GAK: variants seen among roughly 807,000 people sequenced by gnomAD.
GAK encodes cyclin-G-associated kinase.
In GAK, 79 loss-of-function variants were observed where a neutral mutation model predicts 143.9. The ratio of observed to expected loss-of-function variants is 0.55; its 90% CI spans 0.46 to 0.66. The LOEUF (loss-of-function observed/expected upper bound fraction) is 0.66, where lower values mean the gene tolerates loss of function less well. Among genes scored for constraint, GAK ranks in the 30% least tolerant of loss-of-function variants. The pLI, the probability that GAK is intolerant of heterozygous loss-of-function variation, is 0.00. For synonymous variants in GAK, 881 were observed against 765.5 expected (o/e 1.15, Z -2.49); for missense variants, 1,693 against 1,779.7 (o/e 0.95, Z 0.88).
At chr4:865,464 C>T (rs1751006527) in intron 22 of GAK, among the ~76,000 whole-genome samples, 1 of 148,706 alleles carries the variant, frequency 6.7e-6, no homozygotes, top group Non-Finnish European at 1.5e-5. Context: ...GCAGGCGGAG[C>T]AGCTCGCAGG....
intron 27 of GAK, 59 bp from the exon 28 acceptor site, chr4:849,833 G>GGGCGGGGGGCCCCCCCCC: frequency 8.4e-7 from 1 of 1,190,156 alleles, no homozygotes; most frequent in Non-Finnish European, 1.2e-6. Flanking sequence ...GGCGGGGCAG[G>GGGCGGGGGGCCCCCCCCC]ACCCCCCCCC....
Position 877,705 on chromosome 4 carries a change from C to A in GAK, c.1766G>T (p.Ser589Ile), listed in dbSNP as rs1240135793. The A allele has an allele frequency of 6.2e-7, 1 of 1,613,428 alleles. No individual in the cohort carries two copies. The highest frequency in any genetic ancestry group is 8.5e-7 in the Non-Finnish European group (1 of 1,179,924). ...GGGCCTGCAGCCGCTCCTCTGCTTG[C>A]TGAACAGCGGCACGGGTGTCATGAC... ...AVVMTPVPLF[S>I]KQRSGCRPFC... The change falls in exon 16 of 28, where the codon AGC (serine) becomes ATC (isoleucine). Residue 589 changes from serine (S) to isoleucine (I), a missense_variant. Transcript: ENST00000314167.
In GAK at chr4:913,572, C is replaced by G. The variant is rs968923423; in HGVS notation, c.207+35G>C. On this transcript the variant is annotated intron_variant, in intron 2 of 27. Transcript: ENST00000314167. ...CACCAGACAGTCCCTTTACATACGTCAGAAATCCAGAGAAGGCGTTAAATG... is the reference window on the plus strand; with the variant it reads ...CACCAGACAGTCCCTTTACATACGTGAGAAATCCAGAGAAGGCGTTAAATG... 4.5e-6 allele frequency: 7 copies of G among 1,543,908 alleles called. No homozygotes were observed. The African/African-American group carries it at 9.5e-5, about 21-fold the overall frequency.
intron 26 of GAK, 92 bp from the exon 27 acceptor site, chr4:850,160 CCTGGTCACGTGGGG>C: frequency 7.6e-7 from 1 of 1,309,230 alleles, no homozygotes; most frequent in South Asian, 1.5e-5. Context: ...TGAGGAAGTG[CCTGGTCACGTGGGG>C]TGGGCTCAGC....
intron 1 of GAK, chr4:915,776 T>C (rs147106807): frequency 6.6e-6 from 1 of 152,326 alleles, no homozygotes; most frequent in African/African-American, 2.4e-5. Flanking sequence ...TGGTGCAATG[T>C]CGAATCCTCC....
intron 1 of GAK, among the ~76,000 whole-genome samples, chr4:930,550 C>T (rs967283848): frequency 6.7e-6 from 1 of 150,326 alleles, no homozygotes; most frequent in African/African-American, 2.5e-5. Context: ...CTGTACCACC[C>T]CTAAGGATCT....
At chr4:902,605 A>AAAAAAAACAAAC (rs1553889069) in intron 5 of GAK, among the ~76,000 whole-genome samples, 1 of 130,310 alleles carries the variant, frequency 7.7e-6, no homozygotes, top group African/African-American at 2.8e-5. Flanking sequence ...TCAAAAAAAA[A>AAAAAAAACAAAC]AAAAAAAAAC....
chr4:913,590 G>A lies in GAK; in HGVS notation c.207+17C>T, dbSNP rs375451505. The stretch of plus-strand genomic sequence containing the variant: ...CATACGTCAGAAATCCAGAGAAGGC[G>A]TTAAATGGTTCATTACCTTTAATGC... On this transcript the variant is annotated intron_variant, in intron 2 of 27. Transcript: ENST00000314167. The A allele has an allele frequency of 8.7e-5, 140 of 1,600,880 alleles. 1 individual carries two copies. Among genetic ancestry groups the A allele is most frequent in the Non-Finnish European group, 1.2e-4 (135 of 1,168,182 alleles).
chr4:867,170 C>A lies in GAK; in HGVS notation c.2658G>T (p.Leu886=). 2 of 1,605,774 alleles carry A rather than the reference C, an allele frequency of 1.2e-6. No individual in the cohort carries two copies. Among genetic ancestry groups the A allele is most frequent in the Non-Finnish European group, 1.7e-6 (2 of 1,175,240 alleles). Residue 886 remains leucine (L), a synonymous_variant, in exon 21 of 28, where the codon CTG becomes CTT. Transcript: ENST00000314167. ...CTGGCCCTGCGCCCACCTCGGAGTGCAGGCCCAGGAGGTCGACCCCGTCTT... is the reference window on the plus strand; with the variant it reads ...CTGGCCCTGCGCCCACCTCGGAGTGAAGGCCCAGGAGGTCGACCCCGTCTT... ...PQEDGVDLLG[L]HSEVGAGPAV...
intron 1 of GAK, among the ~76,000 whole-genome samples, chr4:927,797 C>T (rs1206114067): frequency 6.6e-6 from 1 of 151,710 alleles, no homozygotes; most frequent in African/African-American, 2.4e-5. Flanking sequence ...GCCCCGCACC[C>T]CTCCCTGGGT....
At chr4:852,059 T>C (rs1003915327) in intron 24 of GAK, 85 bp from the exon 25 acceptor site, 25 of 1,157,482 alleles carry the variant, frequency 2.2e-5, no homozygotes, top group African/African-American at 3.1e-5. Flanking sequence ...ACCACGTATA[T>C]TGGAAAACAT....
chr4:920,110 C>T (rs1723673892), intron 1 of GAK, among the ~76,000 whole-genome samples: 1 of 152,072 alleles, frequency 6.6e-6, no homozygotes. Flanking sequence ...AGATCGAGAC[C>T]ATCCTGGCTA....
At chr4:870,482 C>T (rs1004630095) in intron 19 of GAK, among the ~76,000 whole-genome samples, 1 of 152,222 alleles carries the variant, frequency 6.6e-6, no homozygotes, top group African/African-American at 2.4e-5. Flanking sequence ...TCCGTCCCTG[C>T]CCATGGGCCT....
chr4:881,203 C>T (rs1038063651), intron 15 of GAK, among the ~76,000 whole-genome samples: 5 of 152,168 alleles, frequency 3.3e-5, no homozygotes, highest in Non-Finnish European at 5.9e-5. Flanking sequence ...CCTCCCGCCA[C>T]GGTGGGGCCA....
chr4:926,437 G>GC (rs1188967653), intron 1 of GAK, among the ~76,000 whole-genome samples: 1 of 152,142 alleles, frequency 6.6e-6, no homozygotes, highest in Non-Finnish European at 1.5e-5. Context: ...GGGGCTCCCA[G>GC]CCCCCACTCC....
At chr4:904,110 G>T (rs532159647) in intron 5 of GAK, among the ~76,000 whole-genome samples, 3 of 152,186 alleles carry the variant, frequency 2.0e-5, no homozygotes, top group Non-Finnish European at 2.9e-5. Flanking sequence ...TGTGAACCGC[G>T]TGTGGAGGGA....
At chr4:863,527 G>A (rs536592180) in intron 23 of GAK, among the ~76,000 whole-genome samples, 173 of 152,160 alleles carry the variant, frequency 1.1e-3, no homozygotes, top group Non-Finnish European at 1.5e-3. Flanking sequence ...AGACAATCAC[G>A]TGGCAAACTT....
intron 23 of GAK, among the ~76,000 whole-genome samples, chr4:863,164 T>C (rs1053304002): frequency 2.6e-5 from 4 of 152,160 alleles, no homozygotes; most frequent in African/African-American, 9.7e-5. Context: ...AAGGATGACT[T>C]TGAGGAGTTG....
intron 5 of GAK, among the ~76,000 whole-genome samples, chr4:903,174 G>A (rs764333363): frequency 1.3e-5 from 2 of 152,058 alleles, no homozygotes; most frequent in Non-Finnish European, 2.9e-5. Context: ...GGGATGGAGC[G>A]CGAGCCCAGC....
Sources: allele counts gnomAD v4.1 joint callset (sites outside exome capture counted in the v4.1 genomes callset), GRCh38; gene constraint gnomAD v4.1.1; transcripts MANE v1.5; gene names NCBI Gene and HGNC (gene_info 2026-07-23, HGNC 2026-07-21).